ADAMTS9: variants seen among roughly 807,000 people sequenced by gnomAD.
ADAMTS9 encodes the protein A disintegrin and metalloproteinase with thrombospondin motifs 9.
In ADAMTS9, 107 loss-of-function variants were observed where a neutral mutation model predicts 257.1. That is an observed-to-expected ratio of 0.42 (90% CI 0.36 to 0.49). The LOEUF is 0.49. ADAMTS9 is among the 20% of genes least tolerant of loss of function. The pLI is 0.03. For synonymous variants in ADAMTS9, 982 were observed against 880.9 expected (o/e 1.11, Z -2.03); for missense variants, 2,353 against 2,469.1 (o/e 0.95, Z 1.00).
At chr3:64,625,946 TC>T (rs1266941540) in intron 16 of ADAMTS9, among the ~76,000 whole-genome samples, 1 of 152,164 alleles carries the variant, frequency 6.6e-6, no homozygotes, top group African/African-American at 2.4e-5. Context: ...CATATATCCT[TC>T]TACATGGTGG....
intron 32 of ADAMTS9, among the ~76,000 whole-genome samples, chr3:64,543,696 G>C (rs933141358): frequency 1.3e-5 from 2 of 152,180 alleles, no homozygotes; most frequent in Admixed American, 6.5e-5. Flanking sequence ...CATTCCCTTT[G>C]AAAATTGGCA....
chr3:64,622,345 A>C lies in ADAMTS9; in HGVS notation c.2557-18T>G. 1 of 1,613,160 alleles carries C rather than the reference A, an allele frequency of 6.2e-7. No individual in the cohort carries two copies. Among genetic ancestry groups the C allele is most frequent in the East Asian group, 2.2e-5 (1 of 44,800 alleles). ...GACAAAACCTAGAATGTGTGGACAA[A>C]ACAGAAACGAACTGGGTGGGCTTAG... On this transcript the variant is annotated intron_variant, in intron 17 of 39. Transcript: ENST00000498707.
intron 26 of ADAMTS9, among the ~76,000 whole-genome samples, chr3:64,598,197 G>C (rs2084398259): frequency 1.3e-5 from 2 of 152,008 alleles, no homozygotes; most frequent in African/African-American, 4.8e-5. Flanking sequence ...TGTAGAGCTG[G>C]ATAATAGATT....
chr3:64,550,688 A>C (rs2083258943), intron 31 of ADAMTS9: 5 of 599,620 alleles, frequency 8.3e-6, no homozygotes, highest in Non-Finnish European at 1.2e-5. Context: ...CTTAGAGACC[A>C]TCTCTTACAT....
chr3:64,639,755 C>T (rs142015726), intron 12 of ADAMTS9, among the ~76,000 whole-genome samples: 232 of 152,168 alleles, frequency 1.5e-3, no homozygotes, highest in African/African-American at 5.3e-3. Context: ...TTAGTTGTTA[C>T]GATACAAGGT....
chr3:64,663,505 A>G (rs1299047943), intron 3 of ADAMTS9, among the ~76,000 whole-genome samples: 2 of 151,104 alleles, frequency 1.3e-5, no homozygotes, highest in Non-Finnish European at 2.9e-5. Context: ...AAACAAATGT[A>G]CTATCAGAAT....
intron 28 of ADAMTS9, among the ~76,000 whole-genome samples, chr3:64,580,924 G>A (rs529990351): frequency 6.6e-6 from 1 of 152,268 alleles, no homozygotes; most frequent in South Asian, 2.1e-4. Flanking sequence ...CTCCCCAAGA[G>A]AGGCAGTGGA....
At chr3:64,651,788 G>A (rs1001877167) in intron 8 of ADAMTS9, among the ~76,000 whole-genome samples, 2 of 152,274 alleles carry the variant, frequency 1.3e-5, no homozygotes, top group African/African-American at 4.8e-5. Flanking sequence ...ACTCAGAGAT[G>A]GCAAATAGTT....
chr3:64,526,102 A>G (rs1002200927), intron 38 of ADAMTS9, among the ~76,000 whole-genome samples: 2 of 147,728 alleles, frequency 1.4e-5, no homozygotes, highest in African/African-American at 4.9e-5. Context: ...TATATAGTAT[A>G]TATTATTATA....
At chr3:64,551,883 G>C (rs1432750350) in intron 30 of ADAMTS9, among the ~76,000 whole-genome samples, 1 of 152,204 alleles carries the variant, frequency 6.6e-6, no homozygotes, top group Non-Finnish European at 1.5e-5. Context: ...TATTTGAAGA[G>C]GGCTTTCCTT....
intron 16 of ADAMTS9, among the ~76,000 whole-genome samples, chr3:64,628,578 T>TCC (rs138117535): frequency 9.9e-5 from 15 of 151,820 alleles, no homozygotes; most frequent in African/African-American, 3.4e-4. Context: ...AGAAATGGAT[T>TCC]CCCCCCCCAA....
chr3:64,641,733 A>C (rs1700646953), intron 12 of ADAMTS9, 115 bp downstream of exon 12: 1 of 1,380,692 alleles, frequency 7.2e-7, no homozygotes, highest in African/African-American at 1.4e-5. Flanking sequence ...CTTGAAGTTT[A>C]CGTTCTTTCT....
At chr3:64,668,968 T>A (rs1467546044) in intron 3 of ADAMTS9, among the ~76,000 whole-genome samples, 2 of 152,134 alleles carry the variant, frequency 1.3e-5, no homozygotes, top group Non-Finnish European at 2.9e-5. Flanking sequence ...GACTGGTTTA[T>A]AAGGCCTGCA....
intron 31 of ADAMTS9, among the ~76,000 whole-genome samples, chr3:64,548,775 A>G (rs1189052664): frequency 6.6e-6 from 1 of 152,254 alleles, no homozygotes; most frequent in African/African-American, 2.4e-5. Flanking sequence ...AAACCATTTC[A>G]GAGAGAAACT....
chr3:64,555,018 A>T (rs943677879), intron 30 of ADAMTS9, among the ~76,000 whole-genome samples: 8 of 152,146 alleles, frequency 5.3e-5, no homozygotes, highest in African/African-American at 1.9e-4. Flanking sequence ...GGGGGAAGAA[A>T]ACCGCTTGAG....
At chr3:64,576,891 G>A (rs1163919319) in intron 28 of ADAMTS9, among the ~76,000 whole-genome samples, 1 of 152,150 alleles carries the variant, frequency 6.6e-6, no homozygotes, top group African/African-American at 2.4e-5. Flanking sequence ...AGATGGCAGG[G>A]CCAGGCAAAT....
At chr3:64,662,205 C>G (rs1340844581) in intron 3 of ADAMTS9, among the ~76,000 whole-genome samples, 2 of 152,022 alleles carry the variant, frequency 1.3e-5, no homozygotes, top group South Asian at 2.1e-4. Flanking sequence ...TTTCCACATA[C>G]TTTTGAGCTT....
rs772208865 is a variant in ADAMTS9 at position 64,655,884 on chromosome 3, G to A, written c.970-9C>T. The stretch of plus-strand genomic sequence containing the variant: ...TTATAGATAGAGGCTACCTGCAACC[G>A]AGATAAATTTTTCAAAGTTAATTGT... On this transcript the variant is annotated splice_polypyrimidine_tract_variant and intron_variant, in intron 4 of 39. Transcript: ENST00000498707. 10 of 1,528,658 alleles carry A rather than the reference G, an allele frequency of 6.5e-6. No individual in the cohort carries two copies. The South Asian group carries it at 9.2e-5, about 14-fold the overall frequency. 94.7% of individuals were successfully genotyped at this position (1,528,658 alleles called of 1,614,324 possible).
At chr3:64,522,608 C>T (rs970556716) in intron 38 of ADAMTS9, 1 of 181,086 alleles carries the variant, frequency 5.5e-6, no homozygotes, top group Non-Finnish European at 1.2e-5. Flanking sequence ...CAGCCACATT[C>T]ATTAATTTAC....
Sources: allele counts gnomAD v4.1 joint callset (sites outside exome capture counted in the v4.1 genomes callset), GRCh38; gene constraint gnomAD v4.1.1; transcripts MANE v1.5; gene names NCBI Gene and HGNC (gene_info 2026-07-23, HGNC 2026-07-21).